The following DGKB variants were observed in gnomAD, a reference collection of about 807,000 sequenced individuals.
The protein encoded by DGKB is 90 kDa diacylglycerol kinase.
DGKB carries 67 observed loss-of-function variants against 114.3 expected under a neutral mutation model. The ratio of observed to expected loss-of-function variants is 0.59; its 90% confidence interval spans 0.48 to 0.72. The LOEUF is 0.72. Ranked by LOEUF, DGKB falls within the 30% of genes least tolerant of loss-of-function variation. The pLI is 0.00. For synonymous variants in DGKB, 398 were observed against 323.1 expected, an observed-to-expected ratio of 1.23 and a Z score of -2.49; for missense variants, 907 against 975.2, an observed-to-expected ratio of 0.93 and a Z score of 0.93.
intron 5 of DGKB, among the ~76,000 whole-genome samples, chr7:14,728,702 CT>C (rs35568497): frequency 0.94 from 131,713 of 140,312 alleles, 61,907 homozygotes; most frequent in East Asian, 0.99. Context: ...TTCCAGCCTC[CT>C]TTTTTTTTTT....
chr7:14,893,539 T>G (rs1781633160), intron 1 of DGKB, among the ~76,000 whole-genome samples: 1 of 151,328 alleles, frequency 6.6e-6, no homozygotes, highest in African/African-American at 2.4e-5. Context: ...TTTGTAGCGA[T>G]GCCAAGACTT....
chr7:14,756,344 A>C (rs1219771480), intron 3 of DGKB, among the ~76,000 whole-genome samples: 1 of 151,928 alleles, frequency 6.6e-6, no homozygotes, highest in Non-Finnish European at 1.5e-5. Context: ...CAGTTTTGTA[A>C]GTTTAGCTGC....
At chr7:14,679,517 T>C (rs1820468313) in intron 12 of DGKB, among the ~76,000 whole-genome samples, 1 of 152,054 alleles carries the variant, frequency 6.6e-6, no homozygotes, top group Admixed American at 6.6e-5. Flanking sequence ...AAGGAAGTAA[T>C]GGCTTTTGGA....
chr7:14,843,380 T>G lies in DGKB; in HGVS notation c.-187-1930A>C, dbSNP rs1332419876. On this transcript the variant is annotated intron_variant, in intron 1 of 25. Coordinates refer to ENST00000402815, the MANE Select transcript of DGKB (RefSeq NM_001350709.2). The stretch of plus-strand genomic sequence containing the variant: ...TCTCGCTCTGTCGCCCAGGCCGGAC[T>G]GCGGACTGCAGTGGCGCAATCTCGG... 9.2e-5 allele frequency among the ~76,000 whole-genome samples: 11 copies of G among 119,978 alleles called. 1 individual carries two copies. Among genetic ancestry groups the G allele is most frequent in the African/African-American group, 2.2e-4 (7 of 31,444 alleles). The allele number at this position is 119,978 out of a possible 152,430, so 78.7% of individuals were successfully genotyped here. A position where few individuals can be genotyped will look rare whatever the true frequency, so the allele number is the denominator to read the frequency against.
At chr7:14,429,080 A>G (rs1828028335) in intron 21 of DGKB, among the ~76,000 whole-genome samples, 1 of 152,176 alleles carries the variant, frequency 6.6e-6, no homozygotes, top group Non-Finnish European at 1.5e-5. Flanking sequence ...CAGAAGGCAT[A>G]TTGAAAACAG....
At chr7:14,569,466 G>C (rs1360514998) in intron 20 of DGKB, among the ~76,000 whole-genome samples, 2 of 152,098 alleles carry the variant, frequency 1.3e-5, no homozygotes, top group Admixed American at 1.3e-4. Flanking sequence ...ATATGAGGTA[G>C]AGTTCTAACA....
chr7:14,206,014 A>ATAAT (rs1185778219), intron 23 of DGKB, among the ~76,000 whole-genome samples: 3 of 152,162 alleles, frequency 2.0e-5, no homozygotes, highest in Admixed American at 2.0e-4. Context: ...CAACTAGTTG[A>ATAAT]TAATTAATTT....
At chr7:14,407,356 T>C (rs1359354075) in intron 21 of DGKB, among the ~76,000 whole-genome samples, 1 of 152,128 alleles carries the variant, frequency 6.6e-6, no homozygotes, top group Non-Finnish European at 1.5e-5. Flanking sequence ...AATAACATTG[T>C]GTCTCGTGCT....
chr7:14,510,169 A>G (rs1204023460), intron 20 of DGKB, among the ~76,000 whole-genome samples: 1 of 152,178 alleles, frequency 6.6e-6, no homozygotes, highest in Admixed American at 6.5e-5. Context: ...TCTTAAAGTA[A>G]GACAACAATC....
chr7:14,753,257 A>C (rs561646241), intron 4 of DGKB, among the ~76,000 whole-genome samples: 2 of 152,304 alleles, frequency 1.3e-5, no homozygotes, highest in Admixed American at 1.3e-4. Context: ...TTTAGCAAGA[A>C]ATATTTCTAC....
At chr7:14,259,589 G>A (rs921634468) in intron 23 of DGKB, among the ~76,000 whole-genome samples, 1 of 152,068 alleles carries the variant, frequency 6.6e-6, no homozygotes, top group African/African-American at 2.4e-5. Context: ...ACCACATCCG[G>A]CTAATTTTTG....
chr7:14,245,310 A>G (rs1794312664), intron 23 of DGKB, among the ~76,000 whole-genome samples: 1 of 152,252 alleles, frequency 6.6e-6, no homozygotes, highest in African/African-American at 2.4e-5. Context: ...TAACAGTGAT[A>G]TCAGGTAAGG....
At chr7:14,470,985 T>C (rs1201560537) in intron 21 of DGKB, among the ~76,000 whole-genome samples, 1 of 151,302 alleles carries the variant, frequency 6.6e-6, no homozygotes, top group African/African-American at 2.4e-5. Context: ...TACTGAAATA[T>C]TATATTTTTA....
chr7:14,854,634 G>T (rs1158087811), intron 1 of DGKB, among the ~76,000 whole-genome samples: 2 of 152,172 alleles, frequency 1.3e-5, no homozygotes. Flanking sequence ...GAGCTCAGGT[G>T]GTAACACTTC....
At chr7:14,876,522 G>A (rs1003013954) in intron 1 of DGKB, among the ~76,000 whole-genome samples, 1 of 152,190 alleles carries the variant, frequency 6.6e-6, no homozygotes, top group Non-Finnish European at 1.5e-5. Context: ...CATCAACTTG[G>A]TTACTGATCA....
chr7:14,415,410 T>A (rs1583765027), intron 21 of DGKB, among the ~76,000 whole-genome samples: 1 of 148,760 alleles, frequency 6.7e-6, no homozygotes, highest in Non-Finnish European at 1.5e-5. Context: ...CCTAATGCTA[T>A]CCCTCCCCAC....
chr7:14,341,977 G>A (rs1196635525), intron 22 of DGKB, among the ~76,000 whole-genome samples: 1 of 151,806 alleles, frequency 6.6e-6, no homozygotes, highest in East Asian at 1.9e-4. Flanking sequence ...TTTACTCAAT[G>A]AAACGTAAAA....
At chr7:14,633,889 A>AT (rs1810232077) in intron 13 of DGKB, among the ~76,000 whole-genome samples, 1 of 151,540 alleles carries the variant, frequency 6.6e-6, no homozygotes, top group African/African-American at 2.4e-5. Flanking sequence ...ATATCAAAGA[A>AT]TTTTTTAAAA....
chr7:14,567,452 T>TA (rs1289470874), intron 20 of DGKB, among the ~76,000 whole-genome samples: 12 of 68,172 alleles, frequency 1.8e-4, no homozygotes, highest in Admixed American at 5.3e-4. Context: ...TTATATATTA[T>TA]ATATAATTAT....
Sources: gnomAD v4.1 joint callset for allele counts (sites outside exome capture counted in the v4.1 genomes callset) on GRCh38, gnomAD v4.1.1 for gene constraint, MANE v1.5 for transcripts, NCBI Gene and HGNC (gene_info 2026-07-23, HGNC 2026-07-21) for gene names.